CELF2: variants seen among roughly 807,000 people sequenced by gnomAD.
CELF2 encodes the protein CUG triplet repeat RNA-binding protein 2.
Under a neutral mutation model 62.6 loss-of-function variants are expected in CELF2, and 8 were observed. The ratio of observed to expected loss-of-function variants is 0.13; its 90% CI spans 0.07 to 0.23. The LOEUF is 0.23. Ranked by LOEUF, CELF2 falls within the 10% of genes least tolerant of loss-of-function variation. The pLI is 1.00. For synonymous variants in CELF2, 258 were observed against 250.0 expected (o/e 1.03, Z -0.30); for missense variants, 333 against 671.0 (o/e 0.50, Z 5.56).
intron 1 of CELF2, among the ~76,000 whole-genome samples, chr10:11,081,431 A>G (rs1343325149): frequency 1.3e-5 from 2 of 152,190 alleles, no homozygotes; most frequent in African/African-American, 2.4e-5. Flanking sequence ...TTCAAGTTTG[A>G]AAAACTGACT....
intron 2 of CELF2, among the ~76,000 whole-genome samples, chr10:10,932,156 G>A (rs1222780685): frequency 1.3e-5 from 2 of 151,988 alleles, no homozygotes; most frequent in African/African-American, 4.8e-5. Flanking sequence ...GGTCCTATGG[G>A]GGATACAAGG....
At chr10:11,017,486 T>C (rs550089250), upstream of CELF2, among the ~76,000 whole-genome samples, 248 of 152,336 alleles carry the variant, frequency 1.6e-3, 1 homozygote, top group Middle Eastern at 6.8e-3. The surrounding 1 kb of genome is among the most constrained non-coding windows in gnomAD (Gnocchi z 5.5). Flanking sequence ...CTTTCGGTGA[T>C]CGCCCTTAGT....
the CELF2 span, among the ~76,000 whole-genome samples, chr10:10,752,292 G>A: frequency 1.3e-5 from 2 of 152,202 alleles, no homozygotes; most frequent in African/African-American, 4.8e-5. Context: ...TTATGTCTAA[G>A]ATGCCAGTAG....
chr10:11,197,040 A>AGAGAGAAG (rs2057961822), intron 2 of CELF2, among the ~76,000 whole-genome samples: 3 of 28,092 alleles, frequency 1.1e-4, no homozygotes, highest in African/African-American at 8.1e-4. Flanking sequence ...AAAGAAAGAA[A>AGAGAGAAG]GAAAGAAAGA....
At chr10:10,730,266 C>T in the CELF2 span, among the ~76,000 whole-genome samples, 21 of 152,202 alleles carry the variant, frequency 1.4e-4, no homozygotes, top group East Asian at 1.7e-3. Flanking sequence ...CACTTGAGGC[C>T]GGGAGTTTGA....
the CELF2 span, among the ~76,000 whole-genome samples, chr10:10,699,234 G>T: frequency 6.6e-6 from 1 of 152,070 alleles, no homozygotes; most frequent in African/African-American, 2.4e-5. Context: ...ATTTATGAAA[G>T]AAAATAATAT....
chr10:11,186,451 A>G (rs1157407180), intron 2 of CELF2, among the ~76,000 whole-genome samples: 2 of 152,156 alleles, frequency 1.3e-5, no homozygotes, highest in Non-Finnish European at 2.9e-5. Flanking sequence ...TCCAAATGAA[A>G]GTATATAATG....
chr10:11,049,341 A>G (rs1397258315), intron 1 of CELF2, among the ~76,000 whole-genome samples: 1 of 151,808 alleles, frequency 6.6e-6, no homozygotes, highest in East Asian at 1.9e-4. Flanking sequence ...GGTGTGGTCC[A>G]GTGTGGTGAA....
chr10:10,869,287 G>A (rs769269257), intron 1 of CELF2, among the ~76,000 whole-genome samples: 1 of 152,120 alleles, frequency 6.6e-6, no homozygotes, highest in Non-Finnish European at 1.5e-5. Flanking sequence ...TAACAGGTGG[G>A]GCGCGGTGGC....
chr10:10,925,330 G>A (rs1281930131), intron 2 of CELF2: 1 of 152,106 alleles, frequency 6.6e-6, no homozygotes, highest in Non-Finnish European at 1.5e-5. Flanking sequence ...TGGGGCCCAT[G>A]CCTGGTGCTA....
the CELF2 span, among the ~76,000 whole-genome samples, chr10:10,665,631 T>A: frequency 6.6e-6 from 1 of 152,182 alleles, no homozygotes; most frequent in Non-Finnish European, 1.5e-5. Flanking sequence ...AGTCCTAATA[T>A]AATAAAGAAA....
At chr10:10,675,731 C>T in the CELF2 span, among the ~76,000 whole-genome samples, 3 of 152,182 alleles carry the variant, frequency 2.0e-5, no homozygotes, top group East Asian at 3.9e-4. Flanking sequence ...CCTCAGCCAC[C>T]TCAGGTCCTC....
the CELF2 span, among the ~76,000 whole-genome samples, chr10:10,702,981 AC>A: frequency 6.6e-6 from 1 of 151,914 alleles, no homozygotes; most frequent in Non-Finnish European, 1.5e-5. Context: ...TGCAGAATTC[AC>A]TCTTTCAAAA....
intron 1 of CELF2, among the ~76,000 whole-genome samples, chr10:10,827,349 A>G (rs1051663646): frequency 6.6e-6 from 1 of 152,170 alleles, no homozygotes; most frequent in Non-Finnish European, 1.5e-5. Context: ...TTTCACTGCT[A>G]ACACTCTCAC....
At chr10:10,592,319 A>C in the CELF2 span, among the ~76,000 whole-genome samples, 1 of 152,178 alleles carries the variant, frequency 6.6e-6, no homozygotes, top group African/African-American at 2.4e-5. Context: ...TTTGGGATGG[A>C]AAAAGGAAAA....
chr10:11,072,031 G>A (rs2070209206), intron 1 of CELF2, among the ~76,000 whole-genome samples: 2 of 152,136 alleles, frequency 1.3e-5, no homozygotes, highest in African/African-American at 4.8e-5. Flanking sequence ...TTGCCTTTTG[G>A]GTTATGTCCT....
intron 1 of CELF2, among the ~76,000 whole-genome samples, chr10:11,131,686 C>A (rs754587226): frequency 2.6e-5 from 4 of 152,328 alleles, no homozygotes; most frequent in Middle Eastern, 3.4e-3. Context: ...GCTGCTGTTG[C>A]AATGACAGGG....
the CELF2 span, among the ~76,000 whole-genome samples, chr10:10,723,530 G>A: frequency 6.6e-6 from 1 of 152,206 alleles, no homozygotes; most frequent in Non-Finnish European, 1.5e-5. Context: ...TTACCAATTA[G>A]CTTTTGCCTT....
intron 2 of CELF2, among the ~76,000 whole-genome samples, chr10:11,197,937 A>G (rs2058370715): frequency 6.6e-6 from 1 of 152,236 alleles, no homozygotes; most frequent in African/African-American, 2.4e-5. Flanking sequence ...AGGCAGTTGC[A>G]AGATAGTGTA....
Sources: allele counts gnomAD v4.1 joint callset (sites outside exome capture counted in the v4.1 genomes callset), GRCh38; gene constraint gnomAD v4.1.1; non-coding constraint Gnocchi (gnomAD v3.1); transcripts MANE v1.5; gene names NCBI Gene and HGNC (gene_info 2026-07-23, HGNC 2026-07-21).